Variants in CDH13 observed in about 807,000 individuals in gnomAD.
CDH13 encodes cadherin-13.
In CDH13, 24 loss-of-function variants were observed where a neutral mutation model predicts 63.8. The ratio of observed to expected loss-of-function variants is 0.38; its 90% CI spans 0.27 to 0.53. The LOEUF (loss-of-function observed/expected upper bound fraction) is 0.53. CDH13 is among the 20% of genes least tolerant of loss of function. The pLI is 0.85. For missense variants in CDH13, 1,049 were observed against 903.1 expected, an observed-to-expected ratio of 1.16 and a Z score of -2.07; for synonymous variants, 503 against 355.3, an observed-to-expected ratio of 1.42 and a Z score of -4.67.
chr16:83,027,827 C>T (rs144072255), intron 2 of CDH13, among the ~76,000 whole-genome samples: 1 of 152,302 alleles, frequency 6.6e-6, no homozygotes, highest in East Asian at 1.9e-4. Context: ...CAGGACTTTG[C>T]ATATGTTATG....
intron 2 of CDH13, among the ~76,000 whole-genome samples, chr16:83,029,477 TAAGATA>T (rs1297970641): frequency 6.6e-6 from 1 of 152,174 alleles, no homozygotes; most frequent in Non-Finnish European, 1.5e-5. Flanking sequence ...CTATGATGAT[TAAGATA>T]AAGATAAATA....
intron 3 of CDH13, among the ~76,000 whole-genome samples, chr16:83,099,717 C>T (rs537617197): frequency 2.0e-4 from 31 of 151,844 alleles, no homozygotes; most frequent in Middle Eastern, 3.4e-3. Context: ...TTGCCAATTA[C>T]TTTACCTACC....
At position 83,729,585 on chromosome 16, in the gene CDH13, A is replaced by G. The variant is rs150588197; in HGVS notation, c.1539-18523A>G. Among the ~76,000 whole-genome samples the G allele has an allele frequency of 1.6e-4, 25 of 152,320 alleles. No individual in the cohort carries two copies. The East Asian group carries it at 4.2e-3, about 26-fold the overall frequency. Reference sequence around the variant, plus strand: ...TGGTTGGACAACTCTATCACTTACTAGCTGTGTGTCCTGGACCCAGCTACT... The same window carrying G: ...TGGTTGGACAACTCTATCACTTACTGGCTGTGTGTCCTGGACCCAGCTACT... On this transcript the variant is annotated intron_variant, in intron 10 of 13. Transcript: ENST00000567109.
chr16:83,635,624 G>A (rs1016666019), intron 8 of CDH13, among the ~76,000 whole-genome samples: 5 of 152,072 alleles, frequency 3.3e-5, no homozygotes, highest in Non-Finnish European at 5.9e-5. Flanking sequence ...TTACAGGTGT[G>A]AGCCACCACG....
chr16:83,384,272 C>G (rs2091628703), intron 6 of CDH13, among the ~76,000 whole-genome samples: 1 of 152,174 alleles, frequency 6.6e-6, no homozygotes, highest in Non-Finnish European at 1.5e-5. Flanking sequence ...TAACCAGCCT[C>G]TCAACCATGC....
rs576457250 is a variant in CDH13, at chr16:83,030,518, C to T, written c.158-1492C>T. ...ATTAGCCAGGCATGATGGCATGCAT[C>T]TGTAATCCCAGCTACCCAGGAGGCT... is the stretch of plus-strand genomic sequence containing the variant. On this transcript the variant is annotated intron_variant, in intron 2 of 13. Coordinates refer to ENST00000567109, the MANE Select transcript of CDH13 (RefSeq NM_001257.5). Among the ~76,000 whole-genome samples the T allele has an allele frequency of 1.5e-4, 23 of 151,860 alleles. No individual in the cohort carries two copies. The South Asian group carries it at 2.5e-3, about 17-fold the overall frequency.
At chr16:82,742,692 T>G (rs1257257773) in intron 1 of CDH13, among the ~76,000 whole-genome samples, 1 of 152,204 alleles carries the variant, frequency 6.6e-6, no homozygotes, top group African/African-American at 2.4e-5. Flanking sequence ...AGTAGGAATA[T>G]GATGTATAAT....
intron 5 of CDH13, among the ~76,000 whole-genome samples, chr16:83,281,900 G>A (rs983231851): frequency 5.3e-5 from 8 of 152,176 alleles, no homozygotes; most frequent in East Asian, 1.9e-4. Context: ...GCAACAGAGC[G>A]GGACTCCGTT....
At chr16:83,615,007 A>G (rs1180156506) in intron 8 of CDH13, among the ~76,000 whole-genome samples, 1 of 152,182 alleles carries the variant, frequency 6.6e-6, no homozygotes, top group Non-Finnish European at 1.5e-5. Context: ...TTGATTTGAC[A>G]TGAATATCTA....
chr16:83,668,338 C>T (rs1914192682), intron 8 of CDH13, among the ~76,000 whole-genome samples: 1 of 152,192 alleles, frequency 6.6e-6, no homozygotes, highest in Non-Finnish European at 1.5e-5. Context: ...CACATAGAGC[C>T]TCCAGCCTCC....
chr16:82,968,836 A>G (rs990408976), intron 2 of CDH13, among the ~76,000 whole-genome samples: 2 of 152,320 alleles, frequency 1.3e-5, no homozygotes, highest in South Asian at 4.1e-4. Context: ...AAGTAATAAT[A>G]AGGCTGGGTG....
chr16:83,763,762 G>A (rs912136354), intron 11 of CDH13, among the ~76,000 whole-genome samples: 1 of 152,094 alleles, frequency 6.6e-6, no homozygotes, highest in Admixed American at 6.5e-5. Flanking sequence ...TCAAGCACTC[G>A]CAAAATATCA....
chr16:83,001,265 C>G (rs1056256990), intron 2 of CDH13, among the ~76,000 whole-genome samples: 3 of 152,242 alleles, frequency 2.0e-5, no homozygotes, highest in African/African-American at 7.2e-5. Context: ...TTAAGTCGTT[C>G]TTGCAATTGA....
intron 7 of CDH13, among the ~76,000 whole-genome samples, chr16:83,595,609 A>G (rs1907176350): frequency 6.6e-6 from 1 of 152,188 alleles, no homozygotes; most frequent in Non-Finnish European, 1.5e-5. Context: ...AGTCATTTGG[A>G]GATCCAGGTT....
intron 3 of CDH13, among the ~76,000 whole-genome samples, chr16:83,071,988 T>C (rs577912222): frequency 8.5e-5 from 13 of 152,122 alleles, no homozygotes; most frequent in African/African-American, 2.9e-4. Flanking sequence ...ACATATGCAA[T>C]TCTAAATTTT....
intron 10 of CDH13, among the ~76,000 whole-genome samples, chr16:83,722,845 A>C (rs906977480): frequency 6.6e-6 from 1 of 152,196 alleles, no homozygotes; most frequent in Non-Finnish European, 1.5e-5. Flanking sequence ...CAGCAGCTTC[A>C]TATTTCTCCC....
At chr16:83,063,663 T>C (rs2031769978) in intron 3 of CDH13, among the ~76,000 whole-genome samples, 2 of 152,216 alleles carry the variant, frequency 1.3e-5, no homozygotes, top group Non-Finnish European at 1.5e-5. Context: ...AATTACTCTA[T>C]GAACAAATTA....
At position 82,821,654 on chromosome 16, in the gene CDH13, C is replaced by T. The variant is rs561847496; in HGVS notation, c.46-36708C>T. 5.9e-5 allele frequency among the ~76,000 whole-genome samples: 9 copies of T among 152,360 alleles called. No homozygotes were observed. In the South Asian group the frequency reaches 1.2e-3, roughly 21 times the overall value. On this transcript the variant is annotated intron_variant, in intron 1 of 13. Transcript: ENST00000567109. ...TACTTATGGATGTCTCAACTACAAA[C>T]ATGAATCAATGACTTGAAAGAAGGA...
intron 2 of CDH13, among the ~76,000 whole-genome samples, chr16:82,910,595 A>T (rs1337887043): frequency 6.6e-6 from 1 of 152,196 alleles, no homozygotes; most frequent in Non-Finnish European, 1.5e-5. Flanking sequence ...TCTCAAGGCT[A>T]ATCCTTGTTG....
Sources: gnomAD v4.1 joint callset for allele counts (sites outside exome capture counted in the v4.1 genomes callset) on GRCh38, gnomAD v4.1.1 for gene constraint, MANE v1.5 for transcripts, NCBI Gene and HGNC (gene_info 2026-07-23, HGNC 2026-07-21) for gene names.